GRM1: variants seen among roughly 807,000 people sequenced by gnomAD.
The protein encoded by GRM1 is metabotropic glutamate receptor 1.
Under a neutral mutation model 90.9 loss-of-function variants are expected in GRM1, and 33 were observed. That is an observed-to-expected ratio of 0.36 (90% confidence interval 0.28 to 0.49). The LOEUF is 0.49. Ranked by LOEUF, GRM1 falls within the 20% of genes least tolerant of loss-of-function variation. The pLI is 0.99. For missense variants in GRM1, 1,190 were observed against 1,534.3 expected (o/e 0.78, Z 3.75); for synonymous variants, 700 against 613.2 (o/e 1.14, Z -2.09).
At chr6:146,168,404 G>A (rs1359020388) in intron 2 of GRM1, among the ~76,000 whole-genome samples, 5 of 146,926 alleles carry the variant, frequency 3.4e-5, no homozygotes, top group Admixed American at 6.7e-5. Context: ...TGATTCTATT[G>A]TTATTATGTA....
intron 1 of GRM1, among the ~76,000 whole-genome samples, chr6:146,138,462 TA>T (rs775417150): frequency 2.6e-5 from 4 of 152,172 alleles, no homozygotes; most frequent in Non-Finnish European, 4.4e-5. Flanking sequence ...GGGTATTAGT[TA>T]TTTAAATGTT....
chr6:146,160,182 A>C (rs1777672411), intron 2 of GRM1, among the ~76,000 whole-genome samples: 1 of 152,168 alleles, frequency 6.6e-6, no homozygotes, highest in African/African-American at 2.4e-5. Context: ...AAGATTTGAA[A>C]TTTACAGAGT....
intron 2 of GRM1, among the ~76,000 whole-genome samples, chr6:146,161,856 C>T (rs937176944): frequency 6.6e-6 from 1 of 152,162 alleles, no homozygotes; most frequent in African/African-American, 2.4e-5. Flanking sequence ...CCATGACATT[C>T]AGATATGAGT....
chr6:146,323,143 C>A (rs575463626), intron 3 of GRM1, among the ~76,000 whole-genome samples: 4 of 152,070 alleles, frequency 2.6e-5, no homozygotes, highest in Non-Finnish European at 4.4e-5. Flanking sequence ...GGTCAAATGG[C>A]GTTTCCAGTT....
intron 1 of GRM1, among the ~76,000 whole-genome samples, chr6:146,154,309 A>T (rs369133130): frequency 1.3e-5 from 2 of 152,172 alleles, no homozygotes; most frequent in African/African-American, 4.8e-5. Flanking sequence ...TACCTTGCAG[A>T]TTCCTGAACC....
intron 1 of GRM1, among the ~76,000 whole-genome samples, chr6:146,126,787 A>G (rs1050678077): frequency 6.6e-6 from 1 of 152,178 alleles, no homozygotes; most frequent in African/African-American, 2.4e-5. Flanking sequence ...TGCTCTGAAG[A>G]AACTATTTTA....
chr6:146,422,081 T>C (rs1778016749), intron 7 of GRM1, among the ~76,000 whole-genome samples: 1 of 152,146 alleles, frequency 6.6e-6, no homozygotes, highest in African/African-American at 2.4e-5. Context: ...ATTATTTCCA[T>C]GGTGAGCTTT....
intron 1 of GRM1, among the ~76,000 whole-genome samples, chr6:146,044,809 GTGAT>G (rs1295298549): frequency 1.3e-5 from 2 of 151,978 alleles, no homozygotes; most frequent in Non-Finnish European, 2.9e-5. Context: ...AATCGAGTGA[GTGAT>G]TAATTTTTTG....
At chr6:146,198,922 C>T (rs1779210406) in intron 2 of GRM1, among the ~76,000 whole-genome samples, 1 of 152,130 alleles carries the variant, frequency 6.6e-6, no homozygotes, top group African/African-American at 2.4e-5. Context: ...GAGGTAATTC[C>T]CTTCAGCCAT....
chr6:146,115,490 T>G, intron 1 of GRM1, among the ~76,000 whole-genome samples: 1 of 152,188 alleles, frequency 6.6e-6, no homozygotes. Flanking sequence ...ATTATCTGCT[T>G]ATTCCTCAAA....
At chr6:146,239,555 A>T (rs1323781466) in intron 2 of GRM1, among the ~76,000 whole-genome samples, 1 of 152,138 alleles carries the variant, frequency 6.6e-6, no homozygotes, top group Non-Finnish European at 1.5e-5. Context: ...ATGAAAAAAA[A>T]TGATTTTATG....
intron 1 of GRM1, among the ~76,000 whole-genome samples, chr6:146,102,545 C>T (rs1777085314): frequency 6.6e-6 from 1 of 152,198 alleles, no homozygotes; most frequent in Non-Finnish European, 1.5e-5. Context: ...CCTCAGAAAT[C>T]TCTTCTACCA....
intron 1 of GRM1, among the ~76,000 whole-genome samples, chr6:146,062,896 A>G (rs1239318636): frequency 2.6e-5 from 4 of 152,056 alleles, no homozygotes; most frequent in African/African-American, 9.7e-5. Context: ...TCAAAACACT[A>G]TTTTTGAGGT....
At chr6:146,257,032 A>G (rs947791533) in intron 2 of GRM1, among the ~76,000 whole-genome samples, 2 of 152,130 alleles carry the variant, frequency 1.3e-5, no homozygotes, top group Admixed American at 6.6e-5. Context: ...TTTTCCACCT[A>G]AAGAATAGTC....
intron 1 of GRM1, among the ~76,000 whole-genome samples, chr6:146,095,252 G>T (rs1776838872): frequency 6.6e-6 from 1 of 152,088 alleles, no homozygotes. Flanking sequence ...TCTTCTGATA[G>T]CAGGGTGTAC....
chr6:146,423,878 AG>A (rs1384140698), intron 7 of GRM1, among the ~76,000 whole-genome samples: 1 of 152,228 alleles, frequency 6.6e-6, no homozygotes, highest in Non-Finnish European at 1.5e-5. Flanking sequence ...AAAGTGTTAA[AG>A]GTACTACATT....
chr6:146,246,580 T>C (rs1371626859), intron 2 of GRM1, among the ~76,000 whole-genome samples: 2 of 152,234 alleles, frequency 1.3e-5, no homozygotes, highest in Non-Finnish European at 2.9e-5. Context: ...TCAGAGACTC[T>C]CACTGAGAGT....
chr6:146,291,122 T>C (rs2114884750), intron 2 of GRM1, among the ~76,000 whole-genome samples: 1 of 152,232 alleles, frequency 6.6e-6, no homozygotes, highest in East Asian at 1.9e-4. Context: ...AATTATTCCT[T>C]CTCTGATGTT....
chr6:146,345,332 T>G (rs919333555), intron 3 of GRM1, among the ~76,000 whole-genome samples: 3 of 152,240 alleles, frequency 2.0e-5, no homozygotes, highest in Non-Finnish European at 4.4e-5. Context: ...GTTATAGATA[T>G]TTTGTTGCAT....
Sources: gnomAD v4.1 joint callset for allele counts (sites outside exome capture counted in the v4.1 genomes callset) on GRCh38, gnomAD v4.1.1 for gene constraint, MANE v1.5 for transcripts, NCBI Gene and HGNC (gene_info 2026-07-23, HGNC 2026-07-21) for gene names.